ZSCAN23: variants seen among roughly 807,000 people sequenced by gnomAD.
The protein encoded by ZSCAN23 is zinc finger and SCAN domain-containing protein 23.
A neutral mutation model predicts 19.3 loss-of-function variants in ZSCAN23; 19 were observed. The ratio of observed to expected loss-of-function variants is 0.99; its 90% CI spans 0.69 to 1.45. The LOEUF (loss-of-function observed/expected upper bound fraction) is 1.45. ZSCAN23 is among the 40% of genes most tolerant of loss of function. The probability of loss-of-function intolerance (pLI) is 0.00; values close to 1 mark genes in which losing one functional copy is unlikely to be tolerated. For missense variants in ZSCAN23, 372 were observed against 462.5 expected (o/e 0.80, Z 1.79); for synonymous variants, 140 against 166.2 (o/e 0.84, Z 1.21).
At chr6:28,428,691 A>G (rs1262785160), downstream of ZSCAN23, among the ~76,000 whole-genome samples, 1 of 152,170 alleles carries the variant, frequency 6.6e-6, no homozygotes, top group African/African-American at 2.4e-5. Flanking sequence ...CTTCTAGAAT[A>G]TTTCTAGAAA....
chr6:28,437,308 G>C (rs189735039), intron 1 of ZSCAN23, among the ~76,000 whole-genome samples: 126 of 152,232 alleles, frequency 8.3e-4, no homozygotes, highest in Middle Eastern at 3.4e-3. Context: ...GTGGAGAGTA[G>C]GCAATTTTAT....
In ZSCAN23 at chr6:28,434,492, T is replaced by C; in HGVS notation, c.1143A>G (p.Lys381=). The change falls in exon 4 of 4, where the codon AAA becomes AAG. Residue 381 remains lysine, a synonymous_variant. Coordinates refer to ENST00000289788, the MANE Select transcript of ZSCAN23 (RefSeq NM_001012455.2). The part of the protein sequence containing the change: ...IYHCNLIQHR[K]VHPVAESS Reference sequence around the variant, plus strand: ...AGCTTGATTCAGCCACTGGGTGGACTTTCCGATGCTGGATTAGGTTGCAAT... The same window carrying C: ...AGCTTGATTCAGCCACTGGGTGGACCTTCCGATGCTGGATTAGGTTGCAAT... The C allele has an allele frequency of 6.5e-7, 1 of 1,548,248 alleles. No homozygotes were observed. The highest frequency in any genetic ancestry group is 8.7e-7 in the Non-Finnish European group (1 of 1,144,450).
the ZSCAN23 span, among the ~76,000 whole-genome samples, chr6:28,426,421 TGGG>T: frequency 1.3e-5 from 2 of 152,018 alleles, no homozygotes; most frequent in Non-Finnish European, 2.9e-5. Context: ...GAGAGAGAAA[TGGG>T]GGAATGGTTG....
At chr6:28,441,759 C>T (rs1762006037) in intron 1 of ZSCAN23, among the ~76,000 whole-genome samples, 1 of 151,706 alleles carries the variant, frequency 6.6e-6, no homozygotes, top group Non-Finnish European at 1.5e-5. Flanking sequence ...ATCGTATATA[C>T]ACATGTATAC....
In ZSCAN23 at chr6:28,436,438, T is replaced by C. The variant is rs187152624; in HGVS notation, c.-77-95A>G. 2.8e-4 allele frequency: 163 copies of C among 591,798 alleles called. No individual in the cohort carries two copies. In the East Asian group the frequency reaches 4.3e-3, roughly 16 times the overall value. 36.7% of individuals were successfully genotyped at this position (591,798 alleles called of 1,614,324 possible). A position where few individuals can be genotyped will look rare whatever the true frequency, so the allele number is the denominator to read the frequency against. On this transcript the variant is annotated intron_variant, in intron 1 of 3. Coordinates refer to ENST00000289788, the MANE Select transcript of ZSCAN23 (RefSeq NM_001012455.2). ...ATTTACACTAAAATCAGTCACTCTG[T>C]CTCATGAAGGAACACCAAAACCTGA...
At chr6:28,432,252 T>C (rs971524673), downstream of ZSCAN23, among the ~76,000 whole-genome samples, 6 of 152,188 alleles carry the variant, frequency 3.9e-5, no homozygotes, top group African/African-American at 1.2e-4. Flanking sequence ...CATCACTTTA[T>C]GGAATACATA....
At position 28,438,001 on chromosome 6, in the gene ZSCAN23, A is replaced by G. The variant is rs949360555; in HGVS notation, c.-77-1658T>C. Among the ~76,000 whole-genome samples, 8 of 152,264 alleles carry G rather than the reference A, an allele frequency of 5.3e-5. No individual in the cohort carries two copies. In the South Asian group the frequency reaches 1.2e-3, roughly 24 times the overall value. On this transcript the variant is annotated intron_variant, in intron 1 of 3. Transcript: ENST00000289788. ...CATAGATTTTATGACCCACAAATGA[A>G]TAATAACCTGTAGAATAAAATATTT...
At position 28,434,971 on chromosome 6, in the gene ZSCAN23, G is replaced by C. The variant is rs564021489; in HGVS notation, c.664C>G (p.Gln222Glu). ...VLGKQNGNIT[Q>E]IPEYGDTCDR... ...CAGGTATCTCCATACTCAGGAATCT[G>C]AGTAATATTACCATTCTGTTTTCCA... is the stretch of plus-strand genomic sequence containing the variant. The change falls in exon 4 of 4, where the codon CAG becomes GAG. Residue 222 changes from glutamine to glutamate, a missense_variant. Gln to Glu is a conservative substitution (Grantham distance 29). Coordinates refer to ENST00000289788, the MANE Select transcript of ZSCAN23 (RefSeq NM_001012455.2). 7 of 1,551,752 alleles carry C rather than the reference G, an allele frequency of 4.5e-6. No homozygotes were observed. The African/African-American group carries it at 6.8e-5, about 15-fold the overall frequency.
chr6:28,429,515 C>G (rs1761716699), downstream of ZSCAN23, among the ~76,000 whole-genome samples: 1 of 152,036 alleles, frequency 6.6e-6, no homozygotes, highest in East Asian at 1.9e-4. Flanking sequence ...TTAAAACGGC[C>G]GTAGGATTCA....
chr6:28,429,787 C>T (rs1002408142), downstream of ZSCAN23, among the ~76,000 whole-genome samples: 1 of 152,192 alleles, frequency 6.6e-6, no homozygotes, highest in Admixed American at 6.5e-5. Context: ...GGCAACAGCA[C>T]CCCCTCCGAG....
intron 1 of ZSCAN23, among the ~76,000 whole-genome samples, chr6:28,441,561 A>G (rs573235110): frequency 1.2e-4 from 19 of 152,026 alleles, no homozygotes; most frequent in Non-Finnish European, 2.8e-4. Flanking sequence ...CTGCCCACTC[A>G]TATGTCATGT....
intron 1 of ZSCAN23, among the ~76,000 whole-genome samples, chr6:28,442,587 C>T (rs1016881223): frequency 6.6e-6 from 1 of 152,234 alleles, no homozygotes; most frequent in Non-Finnish European, 1.5e-5. Flanking sequence ...CCCAGGACTA[C>T]TGAGGTACAA....
At chr6:28,430,045 G>C (rs994479239), downstream of ZSCAN23, among the ~76,000 whole-genome samples, 18 of 152,228 alleles carry the variant, frequency 1.2e-4, no homozygotes, top group African/African-American at 4.1e-4. Flanking sequence ...CAAAAAGGCT[G>C]AGGCCGACAG....
At chr6:28,435,188 T>C in intron 3 of ZSCAN23, 110 bp from the exon 4 acceptor site, 12 of 1,264,290 alleles carry the variant, frequency 9.5e-6, no homozygotes, top group Non-Finnish European at 1.2e-5. Context: ...AGGGGACAAG[T>C]AGCCACTTTT....
downstream of ZSCAN23, among the ~76,000 whole-genome samples, chr6:28,431,681 C>CTA (rs34966249): frequency 0.35 from 53,282 of 151,990 alleles, 9,978 homozygotes; most frequent in African/African-American, 0.49. Flanking sequence ...GGTTTATAGA[C>CTA]TGCTTTTCTC....
In ZSCAN23 at chr6:28,434,711, A is replaced by G. The variant is rs1394688320; in HGVS notation, c.924T>C (p.Ser308=). Residue 308 remains serine (S), a synonymous_variant, in exon 4 of 4, where the codon AGT becomes AGC. Transcript: ENST00000289788. ...LHTGEKRYQC[S]VCGKAFSQNA... is the part of the protein sequence containing the mutation. ...TCTGGCTGAAGGCTTTGCCACAAAC[A>G]CTGCACTGGTAGCGCTTCTCCCCAG... The G allele has an allele frequency of 6.3e-7, 1 of 1,594,360 alleles. No homozygotes were observed. Among genetic ancestry groups the G allele is most frequent in the South Asian group, 1.1e-5 (1 of 88,510 alleles).
the ZSCAN23 span, among the ~76,000 whole-genome samples, chr6:28,423,254 C>T: frequency 2.0e-5 from 3 of 152,226 alleles, no homozygotes; most frequent in Non-Finnish European, 4.4e-5. Context: ...ACTCACCAAA[C>T]TAGAACAAAA....
chr6:28,424,342 C>T, the ZSCAN23 span, among the ~76,000 whole-genome samples: 2 of 152,186 alleles, frequency 1.3e-5, no homozygotes, highest in South Asian at 4.1e-4. Context: ...CAGAGTCTTA[C>T]CTTAATGTCT....
At position 28,434,534 on chromosome 6, in the gene ZSCAN23, G is replaced by A. The variant is rs1761829646; in HGVS notation, c.1101C>T (p.Gly367=). 6.4e-7 allele frequency: 1 copy of A among 1,552,880 alleles called. No individual in the cohort carries two copies. Among genetic ancestry groups the A allele is most frequent in the Non-Finnish European group, 8.7e-7 (1 of 1,147,624 alleles). ...GGTTGCAATGGTAAATGAAGTTCTTGCCACATTCTTCACATTCATAAGGTC... is the reference window on the plus strand; with the variant it reads ...GGTTGCAATGGTAAATGAAGTTCTTACCACATTCTTCACATTCATAAGGTC... ...GERPYECEEC[G]KNFIYHCNLI... The change falls in exon 4 of 4, where the codon GGC becomes GGT. Residue 367 remains glycine, a synonymous_variant. Transcript: ENST00000289788.
Sources: allele counts gnomAD v4.1 joint callset (sites outside exome capture counted in the v4.1 genomes callset), GRCh38; gene constraint gnomAD v4.1.1; transcripts MANE v1.5; gene names NCBI Gene and HGNC (gene_info 2026-07-23, HGNC 2026-07-21).